FAM193B: variants seen among roughly 807,000 people sequenced by gnomAD.
FAM193B encodes family with sequence similarity 193 member B.
FAM193B carries 27 observed loss-of-function variants against 70.7 expected under a neutral mutation model. The observed-to-expected ratio is 0.38, with a 90% CI of 0.28 to 0.53. FAM193B has a LOEUF of 0.53. Among genes scored for constraint, FAM193B ranks in the 20% least tolerant of loss-of-function variants. FAM193B has a pLI of 0.81. For missense variants in FAM193B, 1,022 were observed against 1,072.5 expected (o/e 0.95, Z 0.66); for synonymous variants, 448 against 436.0 (o/e 1.03, Z -0.34).
At chr5:177,553,635 C>A (rs1203319959) in intron 1 of FAM193B, 3 of 1,252,964 alleles carry the variant, frequency 2.4e-6, no homozygotes, top group Non-Finnish European at 3.1e-6. Context: ...GGCTGCCTTG[C>A]GGAGCAGGGG....
In FAM193B at chr5:177,539,124, A is replaced by G. The variant is rs771453369; in HGVS notation, c.234T>C (p.Pro78=). ...GPQVPPASSQ[P]VQTCCLLCHR... is the part of the protein sequence containing the mutation. ...GACACAGCAGGCAGCAAGTCTGCACAGGCTGGCTGGAGGCGGGGGGGACCT... is the reference window on the plus strand; with the variant it reads ...GACACAGCAGGCAGCAAGTCTGCACGGGCTGGCTGGAGGCGGGGGGGACCT... Residue 78 remains proline (P), a synonymous_variant, in exon 2 of 9, where the codon CCT becomes CCC. Coordinates refer to ENST00000514747, the MANE Select transcript of FAM193B (RefSeq NM_001190946.3). The G allele has an allele frequency of 6.3e-7, 1 of 1,590,448 alleles. No homozygotes were observed. Among genetic ancestry groups the G allele is most frequent in the Non-Finnish European group, 8.6e-7 (1 of 1,167,808 alleles).
intron 1 of FAM193B, among the ~76,000 whole-genome samples, chr5:177,552,531 C>A (rs1766405844): frequency 6.6e-6 from 1 of 152,116 alleles, no homozygotes; most frequent in African/African-American, 2.4e-5. Flanking sequence ...TGGCAGAGAC[C>A]CTGAAGTATT....
rs895116270 is a variant in FAM193B, at chr5:177,538,329, G to A, written c.454-222C>T. Among the ~76,000 whole-genome samples, 18 of 152,352 alleles carry A rather than the reference G, an allele frequency of 1.2e-4. No individual in the cohort carries two copies. The highest frequency in any genetic ancestry group is 2.6e-4 in the Admixed American group (4 of 15,304). On this transcript the variant is annotated intron_variant, in intron 2 of 8. Coordinates refer to ENST00000514747, the MANE Select transcript of FAM193B (RefSeq NM_001190946.3). The surrounding 1 kb of genome is among the most constrained non-coding windows in gnomAD (Gnocchi z 4.1). ...TTACATGCAATGTGTGGAGACTGGG[G>A]AGAGAGACTCTGGTAGGGGCAGAGA...
At chr5:177,551,547 T>G (rs754749259) in intron 1 of FAM193B, among the ~76,000 whole-genome samples, 13 of 152,218 alleles carry the variant, frequency 8.5e-5, no homozygotes, top group Non-Finnish European at 1.9e-4. Context: ...AGACTACTGA[T>G]TACTGCCTTG....
chr5:177,548,778 C>T (rs1240670716), intron 1 of FAM193B, among the ~76,000 whole-genome samples: 3 of 152,212 alleles, frequency 2.0e-5, no homozygotes, highest in Non-Finnish European at 4.4e-5. Flanking sequence ...CACATGCTAT[C>T]AGAGAATGTA....
chr5:177,533,209 G>C (rs1763745437), intron 4 of FAM193B, among the ~76,000 whole-genome samples: 1 of 152,186 alleles, frequency 6.6e-6, no homozygotes, highest in Non-Finnish European at 1.5e-5. Flanking sequence ...GATGGGTGGA[G>C]CTGCCTTAAC....
intron 5 of FAM193B, among the ~76,000 whole-genome samples, chr5:177,530,712 A>G (rs990822178): frequency 6.6e-6 from 1 of 152,186 alleles, no homozygotes; most frequent in Non-Finnish European, 1.5e-5. Context: ...GCAGGGCCTC[A>G]GAGGCCCTCC....
Position 177,524,171 on chromosome 5 carries a change from C to A in FAM193B, c.2296+14G>T. ...GGGGTAGGGGGTCAGCCGCTCAGTTCCTGGTGCACTCACCCAAGGAGGAGG... is the reference window on the plus strand; with the variant it reads ...GGGGTAGGGGGTCAGCCGCTCAGTTACTGGTGCACTCACCCAAGGAGGAGG... On this transcript the variant is annotated intron_variant, in intron 6 of 8. Transcript: ENST00000514747. 1 of 1,574,808 alleles carries A rather than the reference C, an allele frequency of 6.3e-7. No homozygotes were observed. Among genetic ancestry groups the A allele is most frequent in the Non-Finnish European group, 8.6e-7 (1 of 1,159,278 alleles).
chr5:177,554,044 G>A (rs1186934388), intron 1 of FAM193B: 3 of 1,346,124 alleles, frequency 2.2e-6, no homozygotes, highest in Admixed American at 3.3e-5. Flanking sequence ...CCTAGTCGCA[G>A]GAGCGCGGAC....
chr5:177,554,187 C>G (rs1766728390), intron 1 of FAM193B, 62 bp downstream of exon 1: 3 of 1,475,794 alleles, frequency 2.0e-6, no homozygotes, highest in Non-Finnish European at 2.7e-6. Flanking sequence ...CGCCCCACTC[C>G]CGCTCCCGCT....
At position 177,532,764 on chromosome 5, in the gene FAM193B, G is replaced by A. The variant is rs1763676886; in HGVS notation, c.1077-123C>T. The A allele has an allele frequency of 1.1e-6, 1 of 882,358 alleles. No homozygotes were observed. The highest frequency in any genetic ancestry group is 1.7e-5 in the African/African-American group (1 of 57,874). 54.7% of individuals were successfully genotyped at this position (882,358 alleles called of 1,614,324 possible). A position where few individuals can be genotyped will look rare whatever the true frequency, so the allele number is the denominator to read the frequency against. On this transcript the variant is annotated intron_variant, in intron 4 of 8. Coordinates refer to ENST00000514747, the MANE Select transcript of FAM193B (RefSeq NM_001190946.3). This position sits in a 1 kb window ranked among gnomAD's most constrained non-coding sequence, Gnocchi z 4.9. ...GCCCCACTCCACAGAGGTCCCAGGT[G>A]GTCCAACTACATTGCACCTCTCACC...
At chr5:177,537,035 T>G (rs561926732) in intron 3 of FAM193B, among the ~76,000 whole-genome samples, 6 of 152,284 alleles carry the variant, frequency 3.9e-5, no homozygotes, top group African/African-American at 1.4e-4. Flanking sequence ...AGGGTCTCTC[T>G]AGGATCTGCT....
In FAM193B at chr5:177,554,459, G is replaced by A. The variant is rs1244468403; in HGVS notation, c.-1C>T. 1.0e-5 allele frequency: 10 copies of A among 999,872 alleles called. No homozygotes were observed. The highest frequency in any genetic ancestry group is 7.0e-5 in the Admixed American group (1 of 14,292). 61.9% of individuals were successfully genotyped at this position (999,872 alleles called of 1,614,324 possible). ...TCGGCCTGCTCCGCCTCCGCGTCATGCCGCCGCTCGCGCCGCTCCCTCGCT... is the reference window on the plus strand; with the variant it reads ...TCGGCCTGCTCCGCCTCCGCGTCATACCGCCGCTCGCGCCGCTCCCTCGCT... On this transcript the variant is annotated 5_prime_UTR_variant, in exon 1 of 9. Transcript: ENST00000514747.
Position 177,524,860 on chromosome 5 carries a change from A to T in FAM193B, c.1621T>A (p.Ser541Thr). The change falls in exon 6 of 9, where the codon TCC becomes ACC. Residue 541 changes from serine to threonine, a missense_variant. By Grantham distance (58) the Ser-to-Thr change is moderately conservative (BLOSUM62 1). Transcript: ENST00000514747. ...GCTTGTAACGTGTGGTTCTGAGGGG[A>T]GCCCAAAGTCAAAGGGGACAGGTCA... ...NLDLSPLTLG[S>T]PQNHTLQAPG... 6.6e-7 allele frequency: 1 copy of T among 1,507,850 alleles called. No homozygotes were observed. The highest frequency in any genetic ancestry group is 8.8e-7 in the Non-Finnish European group (1 of 1,130,406). The allele number at this position is 1,507,850 out of a possible 1,614,324, so 93.4% of individuals were successfully genotyped here.
intron 5 of FAM193B, among the ~76,000 whole-genome samples, chr5:177,526,845 CGACCATT>C (rs1431480338): frequency 6.6e-6 from 1 of 152,232 alleles, no homozygotes; most frequent in African/African-American, 2.4e-5. Flanking sequence ...AACCATTTAC[CGACCATT>C]GAGGCTGTGA....
intron 1 of FAM193B, among the ~76,000 whole-genome samples, chr5:177,546,085 T>C (rs1008368929): frequency 6.6e-6 from 1 of 152,190 alleles, no homozygotes; most frequent in African/African-American, 2.4e-5. Flanking sequence ...CTCATTGTCA[T>C]AGTTATCATC....
At position 177,536,691 on chromosome 5, in the gene FAM193B, G is replaced by A; in HGVS notation, c.743C>T (p.Pro248Leu). Residue 248 changes from proline (P) to leucine (L), a missense_variant, in exon 4 of 9, where the codon CCT becomes CTT. Physicochemically the swap from Pro to Leu is moderately conservative, Grantham distance 98. Coordinates refer to ENST00000514747, the MANE Select transcript of FAM193B (RefSeq NM_001190946.3). ...HHQHSDLTAP[P>L]NSPTGHHPQP... Reference sequence around the variant, plus strand: ...CGGGTGGTGGCCGGTGGGGCTGTTAGGGGGAGCAGTGAGGTCTGAGTGCTG... The same window carrying A: ...CGGGTGGTGGCCGGTGGGGCTGTTAAGGGGAGCAGTGAGGTCTGAGTGCTG... The A allele has an allele frequency of 6.4e-7, 1 of 1,558,728 alleles. No individual in the cohort carries two copies. Among genetic ancestry groups the A allele is most frequent in the Non-Finnish European group, 8.7e-7 (1 of 1,155,202 alleles).
intron 1 of FAM193B, among the ~76,000 whole-genome samples, chr5:177,541,593 G>A (rs1276437986): frequency 1.3e-5 from 2 of 151,968 alleles, no homozygotes; most frequent in Non-Finnish European, 2.9e-5. Context: ...TAATTTTTTT[G>A]TATTTTTAGT....
intron 1 of FAM193B, among the ~76,000 whole-genome samples, chr5:177,545,415 T>C (rs1278422146): frequency 2.0e-5 from 3 of 152,216 alleles, no homozygotes; most frequent in African/African-American, 2.4e-5. Flanking sequence ...AGCTTTAATA[T>C]TGTCTTTCTT....
Sources: allele counts gnomAD v4.1 joint callset (sites outside exome capture counted in the v4.1 genomes callset), GRCh38; gene constraint gnomAD v4.1.1; non-coding constraint Gnocchi (gnomAD v3.1); transcripts MANE v1.5; gene names NCBI Gene and HGNC (gene_info 2026-07-23, HGNC 2026-07-21).